Variants in DDX17 observed in about 807,000 individuals in gnomAD.
DDX17 encodes the protein DEAD-box helicase 17, also known as probable ATP-dependent RNA helicase DDX17.
Under a neutral mutation model 80.8 loss-of-function variants are expected in DDX17, and 10 were observed. That is an observed-to-expected ratio of 0.12 (90% CI 0.08 to 0.21). DDX17 has a LOEUF of 0.21. Among genes scored for constraint, DDX17 ranks in the 10% least tolerant of loss-of-function variants. DDX17 has a pLI of 1.00. For synonymous variants in DDX17, 339 were observed against 336.2 expected, an observed-to-expected ratio of 1.01 and a Z score of -0.09; for missense variants, 586 against 957.4, an observed-to-expected ratio of 0.61 and a Z score of 5.12.
At chr22:38,503,424 AT>A (rs145840414) in intron 1 of DDX17, among the ~76,000 whole-genome samples, 11 of 151,608 alleles carry the variant, frequency 7.3e-5, no homozygotes, top group Admixed American at 3.9e-4. Flanking sequence ...TCATTCATGT[AT>A]TTTTTTTTCC....
At chr22:38,498,359 C>T (rs1348993632) in intron 4 of DDX17, 81 bp downstream of exon 4, 16 of 1,576,104 alleles carry the variant, frequency 1.0e-5, no homozygotes, top group Admixed American at 9.0e-5. Flanking sequence ...GGCACTTCTA[C>T]GAAGAACTGA....
At chr22:38,490,974 G>A (rs2089708200) in intron 11 of DDX17, 1 of 154,206 alleles carries the variant, frequency 6.5e-6, no homozygotes, top group South Asian at 2.0e-4. Context: ...GCACAAAGAA[G>A]CTACCAGCAC....
At chr22:38,504,369 C>T (rs1439373881) in intron 1 of DDX17, among the ~76,000 whole-genome samples, 1 of 152,142 alleles carries the variant, frequency 6.6e-6, no homozygotes, top group Non-Finnish European at 1.5e-5. Flanking sequence ...AGCACGAATG[C>T]TGGTATATAA....
chr22:38,490,218 G>GA, intron 11 of DDX17: 1 of 1,212,248 alleles, frequency 8.2e-7, no homozygotes, highest in Admixed American at 3.4e-5. Context: ...TGCCTTTCTA[G>GA]AAGATGCTGT....
intron 12 of DDX17, among the ~76,000 whole-genome samples, chr22:38,487,348 G>C (rs1184128816): frequency 6.6e-6 from 1 of 151,580 alleles, no homozygotes; most frequent in Non-Finnish European, 1.5e-5. Flanking sequence ...GCTAGGTTTG[G>C]TGGCTCACTC....
chr22:38,487,155 G>GAGACT (rs1270542156), intron 12 of DDX17, among the ~76,000 whole-genome samples: 1 of 151,950 alleles, frequency 6.6e-6, no homozygotes, highest in Non-Finnish European at 1.5e-5. Flanking sequence ...GCAACAGAGT[G>GAGACT]AGACTGTCTC....
At chr22:38,488,175 G>C in intron 11 of DDX17, 60 bp from the exon 12 acceptor site, 1 of 1,610,518 alleles carries the variant, frequency 6.2e-7, no homozygotes, top group Non-Finnish European at 8.5e-7. Flanking sequence ...AGAAGGTAAA[G>C]GACATGCCAA....
rs2089876965 is a variant in DDX17, at chr22:38,505,866, C to G, written c.287+85G>C. 12 of 1,477,198 alleles carry G rather than the reference C, an allele frequency of 8.1e-6. 1 individual carries two copies. Among genetic ancestry groups the G allele is most frequent in the Non-Finnish European group, 1.1e-5 (12 of 1,100,704 alleles). The allele number at this position is 1,477,198 out of a possible 1,614,324, so 91.5% of individuals were successfully genotyped here. A position where few individuals can be genotyped will look rare whatever the true frequency, so the allele number is the denominator to read the frequency against. ...CGCCTCCCGGGTCGAGAGCAAGGCTCCCAGGCTCGCAGTCCGCCGGGCCTC... is the reference window on the plus strand; with the variant it reads ...CGCCTCCCGGGTCGAGAGCAAGGCTGCCAGGCTCGCAGTCCGCCGGGCCTC... On this transcript the variant is annotated intron_variant, in intron 1 of 12. Coordinates refer to ENST00000403230, the MANE Select transcript of DDX17 (RefSeq NM_006386.5).
At chr22:38,504,463 T>C (rs547368784) in intron 1 of DDX17, among the ~76,000 whole-genome samples, 12 of 152,310 alleles carry the variant, frequency 7.9e-5, no homozygotes, top group African/African-American at 2.4e-4. Flanking sequence ...TAGGGAGGAA[T>C]TGCTGGGTCG....
intron 2 of DDX17, among the ~76,000 whole-genome samples, chr22:38,500,921 G>A (rs1454721316): frequency 2.0e-5 from 3 of 149,086 alleles, no homozygotes; most frequent in Non-Finnish European, 3.0e-5. Flanking sequence ...GCTTGAGCTA[G>A]GGAGTTCAAG....
chr22:38,499,699 T>A (rs2089807556), intron 2 of DDX17, among the ~76,000 whole-genome samples, 200 bp from the exon 3 acceptor site: 1 of 152,194 alleles, frequency 6.6e-6, no homozygotes, highest in Non-Finnish European at 1.5e-5. Flanking sequence ...TGTAGGTGAT[T>A]AAGAGTTCCA....
chr22:38,489,393 G>A lies in DDX17; in HGVS notation c.1448-1278C>T, dbSNP rs992748850. ...GTGGCAGTGAGAAGTCCCCACACACGCTCGCTCTGTGAACTGGCTTAGATG... is the reference window on the plus strand; with the variant it reads ...GTGGCAGTGAGAAGTCCCCACACACACTCGCTCTGTGAACTGGCTTAGATG... On this transcript the variant is annotated intron_variant, in intron 11 of 12. Coordinates refer to ENST00000403230, the MANE Select transcript of DDX17 (RefSeq NM_006386.5). This position sits in a 1 kb window ranked among gnomAD's most constrained non-coding sequence, Gnocchi z 4.6. The A allele has an allele frequency of 3.0e-6, 3 of 985,622 alleles. No homozygotes were observed. Among genetic ancestry groups the A allele is most frequent in the African/African-American group, 1.7e-5 (1 of 57,180 alleles). The allele number at this position is 985,622 out of a possible 1,614,324, so 61.1% of individuals were successfully genotyped here.
Position 38,489,987 on chromosome 22 carries a change from A to G in DDX17, c.1448-1872T>C, listed in dbSNP as rs976963581. 1.2e-5 allele frequency: 12 copies of G among 1,016,302 alleles called. No individual in the cohort carries two copies. Among genetic ancestry groups the G allele is most frequent in the Non-Finnish European group, 1.4e-5 (12 of 847,814 alleles). The allele number at this position is 1,016,302 out of a possible 1,614,324, so 63.0% of individuals were successfully genotyped here. ...TAAGTGTGCTTTCCTAGCAGAAAGC[A>G]CCAGGGTGGAGTCAACAGTTCACAT... On this transcript the variant is annotated intron_variant, in intron 11 of 12. Transcript: ENST00000403230. The surrounding 1 kb of genome is among the most constrained non-coding windows in gnomAD (Gnocchi z 4.6).
intron 11 of DDX17, chr22:38,490,464 CA>C (rs1407630919): frequency 1.0e-5 from 13 of 1,287,432 alleles, no homozygotes; most frequent in South Asian, 6.2e-5. Flanking sequence ...AAAATAAATT[CA>C]ATACTTTTAG....
chr22:38,502,395 CAGAG>C (rs1478715839), intron 1 of DDX17, among the ~76,000 whole-genome samples: 2 of 132,216 alleles, frequency 1.5e-5, no homozygotes, highest in Non-Finnish European at 3.1e-5. Flanking sequence ...GCCTGGTAGA[CAGAG>C]GGAGGGTCCG....
chr22:38,503,858 G>A (rs138461), intron 1 of DDX17, among the ~76,000 whole-genome samples: 145,023 of 152,298 alleles, frequency 0.95, 69,159 homozygotes, highest in Admixed American at 0.98. Context: ...ACACTCAGTT[G>A]AAACAACAGC....
chr22:38,490,739 G>A, intron 11 of DDX17: 1 of 223,880 alleles, frequency 4.5e-6, no homozygotes, highest in South Asian at 4.9e-5. Flanking sequence ...CCATTTTGGT[G>A]GGTTTTCTCC....
rs1236695010 is a variant in DDX17, at chr22:38,487,882, C to T, written c.1681G>A (p.Gly561Arg). The change falls in exon 12 of 13, where the codon GGG becomes AGG. Residue 561 changes from glycine (G) to arginine (R), a missense_variant. Physicochemically the swap from Gly to Arg is moderately radical, Grantham distance 125 (BLOSUM62 -2). Around this residue, in one of 4 missense-constraint regions of DDX17, gnomAD observed 221 missense variants for 261.4 expected, o/e 0.85. Transcript: ENST00000403230. ...AAACTCCAGGACTTACCCTTACCCC[C>T]GCCTCCGCCGCCTCCTCTGTGGTCC... is the stretch of plus-strand genomic sequence containing the variant. 1.9e-6 allele frequency: 3 copies of T among 1,614,130 alleles called. No individual in the cohort carries two copies. Among genetic ancestry groups the T allele is most frequent in the Non-Finnish European group, 2.5e-6 (3 of 1,180,026 alleles).
intron 6 of DDX17, 141 bp downstream of exon 6, chr22:38,495,655 C>T (rs1404403170): frequency 1.7e-6 from 1 of 602,668 alleles, no homozygotes; most frequent in Non-Finnish European, 2.7e-6. Context: ...CTCAAAATAG[C>T]TGTTTTAGTC....
Sources: gnomAD v4.1 joint callset for allele counts (sites outside exome capture counted in the v4.1 genomes callset) on GRCh38, gnomAD v4.1.1 for gene constraint, gnomAD v4.1.1 regional missense constraint, Gnocchi (gnomAD v3.1) non-coding constraint, MANE v1.5 for transcripts, NCBI Gene and HGNC (gene_info 2026-07-23, HGNC 2026-07-21) for gene names.